Variants in PRKCA observed in about 807,000 individuals in gnomAD.
PRKCA encodes protein kinase C alpha, also known as protein kinase C alpha type.
Under a neutral mutation model 87.0 loss-of-function variants are expected in PRKCA, and 27 were observed. That is an observed-to-expected ratio of 0.31 (90% CI 0.23 to 0.43). PRKCA has a LOEUF of 0.43. Ranked by LOEUF, PRKCA falls within the 20% of genes least tolerant of loss-of-function variation. The probability of loss-of-function intolerance (pLI) is 1.00; values close to 1 mark genes in which losing one functional copy is unlikely to be tolerated. For missense variants in PRKCA, 518 were observed against 852.3 expected (o/e 0.61, Z 4.88); for synonymous variants, 329 against 311.1 (o/e 1.06, Z -0.61).
chr17:66,315,081 G>A (rs1905250113), intron 2 of PRKCA, among the ~76,000 whole-genome samples: 1 of 152,050 alleles, frequency 6.6e-6, no homozygotes, highest in Admixed American at 6.6e-5. Flanking sequence ...GTGTGTGGTT[G>A]TGCACAAAGT....
intron 14 of PRKCA, among the ~76,000 whole-genome samples, chr17:66,784,701 G>C (rs1030871371): frequency 6.6e-6 from 1 of 152,184 alleles, no homozygotes; most frequent in African/African-American, 2.4e-5. Flanking sequence ...GATACGGTGG[G>C]GTGGACACAA....
At chr17:66,402,789 A>G (rs1911113487) in intron 2 of PRKCA, among the ~76,000 whole-genome samples, 1 of 152,234 alleles carries the variant, frequency 6.6e-6, no homozygotes, top group African/African-American at 2.4e-5. Flanking sequence ...TAATTCATAG[A>G]ACCAAGTTCT....
At position 66,642,726 on chromosome 17, in the gene PRKCA, C is replaced by T. The variant is rs571271029; in HGVS notation, c.400+1260C>T. Among the ~76,000 whole-genome samples the T allele has an allele frequency of 2.0e-5, 3 of 152,212 alleles. No homozygotes were observed. The South Asian group carries it at 6.2e-4, about 32-fold the overall frequency. On this transcript the variant is annotated intron_variant, in intron 4 of 16. Transcript: ENST00000413366. ...GGATTCTTCACCTTACAGAGTTGTA[C>T]GGCATCACAACCAAATGCAATGTTT... is the stretch of plus-strand genomic sequence containing the variant.
At chr17:66,340,004 A>G (rs867841723) in intron 2 of PRKCA, 1 of 152,328 alleles carries the variant, frequency 6.6e-6, no homozygotes, top group South Asian at 2.1e-4. Flanking sequence ...CTCCTATTAC[A>G]TGAGCTAAAT....
chr17:66,606,711 G>A (rs76680877), intron 3 of PRKCA, among the ~76,000 whole-genome samples: 66 of 152,170 alleles, frequency 4.3e-4, no homozygotes, highest in African/African-American at 1.4e-3. Flanking sequence ...AGGTTATATC[G>A]TAAATTGATA....
At position 66,804,215 on chromosome 17, in the gene PRKCA, C is replaced by T. The variant is rs917524478; in HGVS notation, c.*178C>T. On this transcript the variant is annotated 3_prime_UTR_variant, in exon 17 of 17. Coordinates refer to ENST00000413366, the MANE Select transcript of PRKCA (RefSeq NM_002737.3). ...ACTGTTCAGGGTCTCTCTCTTACAA[C>T]CAAGAACATTATCTTAGTGGAAGAT... 1 of 797,484 alleles carries T rather than the reference C, an allele frequency of 1.3e-6. No homozygotes were observed. Among genetic ancestry groups the T allele is most frequent in the Non-Finnish European group, 1.9e-6 (1 of 539,466 alleles). 49.4% of individuals were successfully genotyped at this position (797,484 alleles called of 1,614,324 possible). A position where few individuals can be genotyped will look rare whatever the true frequency, so the allele number is the denominator to read the frequency against.
chr17:66,595,866 CA>C (rs1226285762), intron 3 of PRKCA, among the ~76,000 whole-genome samples: 1 of 152,146 alleles, frequency 6.6e-6, no homozygotes, highest in Non-Finnish European at 1.5e-5. Flanking sequence ...AAACGTGCAT[CA>C]AAAAGGTTAA....
At chr17:66,613,736 G>A (rs1970438344) in intron 3 of PRKCA, among the ~76,000 whole-genome samples, 1 of 140,634 alleles carries the variant, frequency 7.1e-6, no homozygotes, top group Admixed American at 7.1e-5. Context: ...AAGGACACCA[G>A]TCATTGGATT....
intron 1 of PRKCA, among the ~76,000 whole-genome samples, chr17:66,303,501 G>T (rs760787919): frequency 9.3e-5 from 1 of 10,746 alleles, no homozygotes; most frequent in Admixed American, 1.2e-3. Flanking sequence ...GCGCGTTCGG[G>T]GTGGGGGGGT....
chr17:66,329,751 A>G (rs1425542125), intron 2 of PRKCA, among the ~76,000 whole-genome samples: 1 of 152,180 alleles, frequency 6.6e-6, no homozygotes, highest in East Asian at 1.9e-4. Context: ...TAATGGGCAG[A>G]GTAAAGGAAA....
chr17:66,430,479 C>T (rs141172939), intron 2 of PRKCA, among the ~76,000 whole-genome samples: 1 of 152,068 alleles, frequency 6.6e-6, no homozygotes, highest in East Asian at 2.0e-4. Context: ...GGTAAGCCAT[C>T]TGAGGCATCT....
At chr17:66,330,127 C>T (rs78275541) in intron 2 of PRKCA, among the ~76,000 whole-genome samples, 3 of 135,382 alleles carry the variant, frequency 2.2e-5, no homozygotes, top group East Asian at 2.2e-4. Context: ...TTTTTTTAAA[C>T]AGAGTTTCAC....
intron 3 of PRKCA, among the ~76,000 whole-genome samples, chr17:66,595,743 C>T (rs566068788): frequency 2.6e-5 from 4 of 152,166 alleles, no homozygotes; most frequent in African/African-American, 4.8e-5. Context: ...TGAGCCACCA[C>T]GCCCTGCCAA....
chr17:66,735,348 A>T (rs1973999610), intron 9 of PRKCA, 141 bp from the exon 10 acceptor site: 7 of 857,496 alleles, frequency 8.2e-6, no homozygotes, highest in Non-Finnish European at 1.1e-5. Context: ...ACAAATTTGC[A>T]CATAAAGTTT....
chr17:66,505,399 A>C (rs1259300912), intron 3 of PRKCA, among the ~76,000 whole-genome samples: 1 of 152,140 alleles, frequency 6.6e-6, no homozygotes, highest in Non-Finnish European at 1.5e-5. Flanking sequence ...TGCGCGACGT[A>C]ATTACAAAGA....
At chr17:66,635,507 A>C (rs1326316370) in intron 3 of PRKCA, among the ~76,000 whole-genome samples, 1 of 152,216 alleles carries the variant, frequency 6.6e-6, no homozygotes, top group Non-Finnish European at 1.5e-5. Flanking sequence ...AAGGTTTGGA[A>C]ACAGCAGTGT....
chr17:66,533,846 G>C (rs1967659096), intron 3 of PRKCA, among the ~76,000 whole-genome samples: 1 of 152,180 alleles, frequency 6.6e-6, no homozygotes, highest in Non-Finnish European at 1.5e-5. Flanking sequence ...GGAAAGGGCA[G>C]TGCAGACAAG....
chr17:66,695,579 A>G (rs1972897480), intron 8 of PRKCA, among the ~76,000 whole-genome samples: 1 of 152,158 alleles, frequency 6.6e-6, no homozygotes, highest in Non-Finnish European at 1.5e-5. Context: ...TTTGTCATTT[A>G]TTATTTCGTT....
At chr17:66,304,088 A>G (rs557935384) in intron 1 of PRKCA, among the ~76,000 whole-genome samples, 1 of 152,308 alleles carries the variant, frequency 6.6e-6, no homozygotes, top group African/African-American at 2.4e-5. Flanking sequence ...GAAAAATAAT[A>G]TAAGGGCCAG....
Sources: allele counts gnomAD v4.1 joint callset (sites outside exome capture counted in the v4.1 genomes callset), GRCh38; gene constraint gnomAD v4.1.1; transcripts MANE v1.5; gene names NCBI Gene and HGNC (gene_info 2026-07-23, HGNC 2026-07-21).